The following SPAG16 variants were observed in gnomAD, a reference collection of about 807,000 sequenced individuals.
SPAG16 encodes sperm associated antigen 16, also known as sperm-associated antigen 16 protein.
In SPAG16, 86 loss-of-function variants were observed where a neutral mutation model predicts 80.4. The ratio of observed to expected loss-of-function variants is 1.07; its 90% CI spans 0.90 to 1.28. SPAG16 has a LOEUF of 1.28. SPAG16 is among the 50% of genes most tolerant of loss of function. The pLI is 0.00. For synonymous variants in SPAG16, 294 were observed against 265.9 expected (o/e 1.11, Z -1.03); for missense variants, 870 against 765.3 (o/e 1.14, Z -1.61).
At chr2:213,540,277 C>T (rs2076400248) in intron 10 of SPAG16, among the ~76,000 whole-genome samples, 1 of 151,778 alleles carries the variant, frequency 6.6e-6, no homozygotes, top group Non-Finnish European at 1.5e-5. Flanking sequence ...GTCTCCATCT[C>T]CTGACCTTGT....
chr2:213,818,613 C>A (rs1350156921), intron 10 of SPAG16, among the ~76,000 whole-genome samples: 2 of 150,126 alleles, frequency 1.3e-5, no homozygotes, highest in Non-Finnish European at 3.0e-5. Context: ...GAAAAGGAAG[C>A]ATTCCCTTTC....
intron 15 of SPAG16, among the ~76,000 whole-genome samples, chr2:214,347,371 G>GA (rs1485919984): frequency 1.3e-5 from 2 of 151,116 alleles, no homozygotes; most frequent in African/African-American, 2.4e-5. Flanking sequence ...GTAGAATTTG[G>GA]AAAAAACATA....
intron 6 of SPAG16, among the ~76,000 whole-genome samples, chr2:213,348,382 A>T (rs559802802): frequency 1.3e-5 from 2 of 152,128 alleles, no homozygotes; most frequent in Non-Finnish European, 2.9e-5. Context: ...TTTACATTTA[A>T]GGTTAATATT....
intron 14 of SPAG16, among the ~76,000 whole-genome samples, chr2:214,127,615 T>G (rs1290872665): frequency 6.6e-6 from 1 of 151,886 alleles, no homozygotes; most frequent in Non-Finnish European, 1.5e-5. Context: ...AAATGTAAAT[T>G]TACATGGCAA....
Position 213,585,189 on chromosome 2 carries a change from CA to C in SPAG16, c.1070+95114del, listed in dbSNP as rs754596152. On this transcript the variant is annotated intron_variant, in intron 10 of 15. Transcript: ENST00000331683. The stretch of plus-strand genomic sequence containing the variant: ...GCACAATGAGAGTGAGACTCCATCT[CA>C]AAAAAAAAAAAAAAGTCTTGAATAT... Among the ~76,000 whole-genome samples, 800 of 88,240 alleles carry C rather than the reference CA, an allele frequency of 9.1e-3. 2 individuals are homozygous for C. The highest frequency in any genetic ancestry group is 0.027 in the Middle Eastern group (3 of 112). 57.9% of individuals were successfully genotyped at this position (88,240 alleles called of 152,430 possible).
intron 10 of SPAG16, among the ~76,000 whole-genome samples, chr2:213,822,990 GTTGA>G (rs1215936400): frequency 1.3e-5 from 2 of 152,108 alleles, no homozygotes; most frequent in Non-Finnish European, 2.9e-5. Flanking sequence ...GGGAATTTGG[GTTGA>G]TTCCATGTCT....
chr2:214,237,857 T>C (rs556457104), intron 15 of SPAG16, among the ~76,000 whole-genome samples: 1 of 152,196 alleles, frequency 6.6e-6, no homozygotes, highest in South Asian at 2.1e-4. Flanking sequence ...GGGACTTATA[T>C]TGGGTTCTAT....
chr2:213,620,504 G>T (rs2061742996), intron 10 of SPAG16, among the ~76,000 whole-genome samples: 1 of 151,914 alleles, frequency 6.6e-6, no homozygotes, highest in East Asian at 1.9e-4. Flanking sequence ...GTGTTAGCCA[G>T]GATGGTCTCG....
chr2:213,980,710 G>GTATATATATATATA (rs1320481683), intron 12 of SPAG16, among the ~76,000 whole-genome samples: 19 of 117,148 alleles, frequency 1.6e-4, no homozygotes, highest in Non-Finnish European at 2.7e-4. Context: ...GTGTGTGTGT[G>GTATATATATATATA]TGTATATATA....
chr2:213,319,419 A>G (rs1412004442), intron 5 of SPAG16, among the ~76,000 whole-genome samples: 1 of 151,882 alleles, frequency 6.6e-6, no homozygotes, highest in Non-Finnish European at 1.5e-5. Context: ...TGTATTGTCT[A>G]TGGATGTAAT....
intron 13 of SPAG16, among the ~76,000 whole-genome samples, chr2:214,056,882 TC>T (rs2049972548): frequency 6.6e-6 from 1 of 152,182 alleles, no homozygotes; most frequent in Admixed American, 6.6e-5. Flanking sequence ...CACAGCATCT[TC>T]CCCAGGAGTA....
At chr2:214,002,129 C>T (rs2046818830) in intron 12 of SPAG16, among the ~76,000 whole-genome samples, 1 of 151,958 alleles carries the variant, frequency 6.6e-6, no homozygotes, top group South Asian at 2.1e-4. Context: ...CTGATTCAAT[C>T]ATCTCCCACT....
intron 9 of SPAG16, among the ~76,000 whole-genome samples, chr2:213,443,823 T>A (rs893574593): frequency 3.3e-5 from 5 of 152,202 alleles, no homozygotes; most frequent in African/African-American, 1.2e-4. Flanking sequence ...CACAAGTGTT[T>A]CCAGGGAGAT....
intron 10 of SPAG16, among the ~76,000 whole-genome samples, chr2:213,517,038 G>A (rs916385106): frequency 1.3e-5 from 2 of 152,120 alleles, no homozygotes; most frequent in African/African-American, 4.8e-5. Context: ...CTTCACTGAT[G>A]ATATGATTCT....
chr2:214,300,962 G>T (rs1005807355), intron 15 of SPAG16, among the ~76,000 whole-genome samples: 2 of 150,274 alleles, frequency 1.3e-5, no homozygotes, highest in Non-Finnish European at 3.0e-5. Flanking sequence ...AACAACAAAA[G>T]CTACAGGCCA....
chr2:213,285,850 T>A (rs1451451159), intron 1 of SPAG16: 1 of 1,275,890 alleles, frequency 7.8e-7, no homozygotes, highest in Non-Finnish European at 1.0e-6. Context: ...CCAGTGATAT[T>A]CCTCTTTAAC....
chr2:213,611,977 A>G (rs1046926746), intron 10 of SPAG16, among the ~76,000 whole-genome samples: 1 of 152,190 alleles, frequency 6.6e-6, no homozygotes, highest in Non-Finnish European at 1.5e-5. Flanking sequence ...CCAAGAATCA[A>G]TAGTTGATTA....
intron 15 of SPAG16, among the ~76,000 whole-genome samples, chr2:214,282,064 A>G (rs954456471): frequency 6.6e-6 from 1 of 152,180 alleles, no homozygotes; most frequent in Admixed American, 6.5e-5. Flanking sequence ...GAGGTGATGG[A>G]TATGTTTACT....
chr2:214,394,894 C>T (rs1701278806), intron 15 of SPAG16, among the ~76,000 whole-genome samples: 1 of 152,166 alleles, frequency 6.6e-6, no homozygotes, highest in Non-Finnish European at 1.5e-5. Flanking sequence ...CTCCTGGCAG[C>T]CACAGATCTT....
Sources: allele counts gnomAD v4.1 joint callset (sites outside exome capture counted in the v4.1 genomes callset), GRCh38; gene constraint gnomAD v4.1.1; transcripts MANE v1.5; gene names NCBI Gene and HGNC (gene_info 2026-07-23, HGNC 2026-07-21).